TMEM120B: variants seen among roughly 807,000 people sequenced by gnomAD.
TMEM120B encodes the protein transmembrane protein 120B.
In TMEM120B, 31 loss-of-function variants were observed where a neutral mutation model predicts 55.5. That is an observed-to-expected ratio of 0.56 (90% CI 0.42 to 0.75). The LOEUF (loss-of-function observed/expected upper bound fraction) is 0.75, where lower values mean the gene tolerates loss of function less well. TMEM120B is among the 30% of genes least tolerant of loss of function. The pLI, the probability that TMEM120B is intolerant of heterozygous loss-of-function variation, is 0.00. For missense variants in TMEM120B, 399 were observed against 425.5 expected (o/e 0.94, Z 0.55); for synonymous variants, 203 against 176.3 (o/e 1.15, Z -1.20).
chr12:121,773,574 C>T (rs984098991), intron 9 of TMEM120B, 61 bp downstream of exon 9: 7 of 1,330,832 alleles, frequency 5.3e-6, no homozygotes, highest in East Asian at 5.3e-5. Context: ...CTCCCCACAC[C>T]GGGAGTGCAG....
chr12:121,732,443 G>A (rs1457576725), intron 1 of TMEM120B, among the ~76,000 whole-genome samples: 2 of 152,152 alleles, frequency 1.3e-5, no homozygotes, highest in Non-Finnish European at 2.9e-5. Flanking sequence ...CAATGACAGA[G>A]CGAGAGAATT....
Position 121,732,992 on chromosome 12 carries a change from A to G in TMEM120B, c.70-10637A>G, listed in dbSNP as rs1483540948. Among the ~76,000 whole-genome samples, 5 of 151,728 alleles carry G rather than the reference A, an allele frequency of 3.3e-5. 1 individual carries two copies. Among genetic ancestry groups the G allele is most frequent in the Admixed American group, 6.6e-5 (1 of 15,156 alleles). ...AGACTCTGTCTCAAAAAAAAAAAAA[A>G]AAAATCTAATAACAAGCCTGTACCC... On this transcript the variant is annotated intron_variant, in intron 1 of 11. Transcript: ENST00000449592.
chr12:121,713,429 CT>C (rs766217531), intron 1 of TMEM120B, among the ~76,000 whole-genome samples: 3 of 152,142 alleles, frequency 2.0e-5, no homozygotes, highest in Non-Finnish European at 4.4e-5. Context: ...GGGAGGTGTA[CT>C]TAAGAGCTGT....
intron 6 of TMEM120B, among the ~76,000 whole-genome samples, chr12:121,766,019 C>G (rs1322908494): frequency 6.6e-6 from 1 of 152,138 alleles, no homozygotes; most frequent in African/African-American, 2.4e-5. Context: ...CGAAGTGACC[C>G]AAACCCAAGT....
intron 1 of TMEM120B, among the ~76,000 whole-genome samples, chr12:121,737,226 C>T (rs568448911): frequency 3.3e-5 from 5 of 152,140 alleles, no homozygotes; most frequent in East Asian, 1.9e-4. Context: ...TCACAGTGGA[C>T]GGGACATGGT....
At position 121,727,390 on chromosome 12, in the gene TMEM120B, G is replaced by A. The variant is rs1224246383; in HGVS notation, c.69+14426G>A. ...GTCTCTGCAAAAAAATAAAAAATGAGCCAGGCATGGTCGTGCGTGCCCATG... is the reference window on the plus strand; with the variant it reads ...GTCTCTGCAAAAAAATAAAAAATGAACCAGGCATGGTCGTGCGTGCCCATG... On this transcript the variant is annotated intron_variant, in intron 1 of 11. Coordinates refer to ENST00000449592, the MANE Select transcript of TMEM120B (RefSeq NM_001080825.2). Among the ~76,000 whole-genome samples the A allele has an allele frequency of 2.6e-5, 4 of 151,810 alleles. No individual in the cohort carries two copies. In the East Asian group the frequency reaches 7.7e-4, roughly 29 times the overall value.
chr12:121,729,166 A>G (rs941689570), intron 1 of TMEM120B, among the ~76,000 whole-genome samples: 1 of 152,248 alleles, frequency 6.6e-6, no homozygotes, highest in Admixed American at 6.5e-5. Flanking sequence ...CCTGATTGGC[A>G]AAAACAGCAG....
chr12:121,751,217 A>C (rs1592938703), intron 4 of TMEM120B, among the ~76,000 whole-genome samples: 2 of 60,628 alleles, frequency 3.3e-5, no homozygotes, highest in Admixed American at 3.9e-4. Flanking sequence ...CACACCCCAC[A>C]CCCAACACCC....
intron 1 of TMEM120B, among the ~76,000 whole-genome samples, chr12:121,719,110 T>G (rs1466082865): frequency 6.6e-6 from 1 of 152,156 alleles, no homozygotes; most frequent in Non-Finnish European, 1.5e-5. Flanking sequence ...AACCAGTCAC[T>G]GTGGCACTGA....
intron 5 of TMEM120B, among the ~76,000 whole-genome samples, chr12:121,757,984 T>C (rs1873533813): frequency 6.6e-6 from 1 of 152,160 alleles, no homozygotes; most frequent in South Asian, 2.1e-4. Flanking sequence ...CCTGATGTGG[T>C]ATTGTGCACC....
intron 3 of TMEM120B, 95 bp downstream of exon 3, chr12:121,748,537 G>A: frequency 1.2e-6 from 1 of 800,114 alleles, no homozygotes; most frequent in Non-Finnish European, 2.0e-6. Context: ...CTGGTGCTCA[G>A]ATTGAAGGGG....
In TMEM120B at chr12:121,747,017, C is replaced by A. The variant is rs78855167; in HGVS notation, c.189-1309C>A. Among the ~76,000 whole-genome samples, 345 of 152,108 alleles carry A rather than the reference C, an allele frequency of 2.3e-3. 3 individuals carry two copies. Among genetic ancestry groups the A allele is most frequent in the African/African-American group, 7.9e-3 (328 of 41,514 alleles). On this transcript the variant is annotated intron_variant, in intron 2 of 11. Coordinates refer to ENST00000449592, the MANE Select transcript of TMEM120B (RefSeq NM_001080825.2). ...AAAAATAGTATTGTCAGTAATTATC[C>A]CTTGAGCTCATACTATCAAGTATTA...
chr12:121,770,008 G>A (rs1873984504), intron 6 of TMEM120B, among the ~76,000 whole-genome samples: 4 of 152,160 alleles, frequency 2.6e-5, no homozygotes, highest in Admixed American at 2.6e-4. Flanking sequence ...CAGCTAGTCT[G>A]AAGCTTGCAC....
chr12:121,745,430 G>T (rs913628676), intron 2 of TMEM120B, among the ~76,000 whole-genome samples: 3 of 151,912 alleles, frequency 2.0e-5, no homozygotes, highest in African/African-American at 7.3e-5. Flanking sequence ...TCGCTCTGTT[G>T]CCCAGGCTGG....
At chr12:121,749,618 C>T (rs1873210380) in intron 3 of TMEM120B, among the ~76,000 whole-genome samples, 1 of 152,076 alleles carries the variant, frequency 6.6e-6, no homozygotes, top group Non-Finnish European at 1.5e-5. Flanking sequence ...TTCAAGACTG[C>T]AGTGACGCTG....
intron 5 of TMEM120B, among the ~76,000 whole-genome samples, chr12:121,753,273 G>T (rs577566054): frequency 1.3e-5 from 2 of 152,284 alleles, no homozygotes; most frequent in African/African-American, 4.8e-5. Flanking sequence ...TATAGAGACG[G>T]GGAGTAGGTG....
rs1444474473 is a variant in TMEM120B at position 121,761,639 on chromosome 12, C to A, written c.462-10C>A. ...CCCGCACCCCTCCCGGGGGCTGTTTCCTTGCACAGGGTGACTGACGAAGTC... is the reference window on the plus strand; with the variant it reads ...CCCGCACCCCTCCCGGGGGCTGTTTACTTGCACAGGGTGACTGACGAAGTC... On this transcript the variant is annotated splice_polypyrimidine_tract_variant and intron_variant, in intron 5 of 11. Coordinates refer to ENST00000449592, the MANE Select transcript of TMEM120B (RefSeq NM_001080825.2). The A allele has an allele frequency of 2.5e-6, 4 of 1,612,898 alleles. No homozygotes were observed. In the Admixed American group the frequency reaches 5.0e-5, roughly 20 times the overall value.
In TMEM120B at chr12:121,773,648, A is replaced by G. The variant is rs921651634; in HGVS notation, c.772+135A>G. ...GCCCTTTATCCGAAGCGCCTTCCAG[A>G]ATTCATCCTGGATTCTGTTTCAGCT... On this transcript the variant is annotated intron_variant, in intron 9 of 11. Coordinates refer to ENST00000449592, the MANE Select transcript of TMEM120B (RefSeq NM_001080825.2). 4 of 634,516 alleles carry G rather than the reference A, an allele frequency of 6.3e-6. No homozygotes were observed. In the Admixed American group the frequency reaches 1.5e-4, roughly 24 times the overall value. The allele number at this position is 634,516 out of a possible 1,614,324, so 39.3% of individuals were successfully genotyped here.
chr12:121,739,802 T>C (rs1197083138), intron 1 of TMEM120B, among the ~76,000 whole-genome samples: 5 of 143,882 alleles, frequency 3.5e-5, no homozygotes, highest in African/African-American at 1.3e-4. Flanking sequence ...ACACTTCTTT[T>C]TTTTTTTTTT....
Sources: gnomAD v4.1 joint callset for allele counts (sites outside exome capture counted in the v4.1 genomes callset) on GRCh38, gnomAD v4.1.1 for gene constraint, MANE v1.5 for transcripts, NCBI Gene and HGNC (gene_info 2026-07-23, HGNC 2026-07-21) for gene names.